UNC5C: variants seen among roughly 807,000 people sequenced by gnomAD.
The protein encoded by UNC5C is netrin receptor UNC5C.
A neutral mutation model predicts 99.8 loss-of-function variants in UNC5C; 47 were observed. The observed-to-expected ratio is 0.47, with a 90% CI of 0.37 to 0.60. UNC5C has a LOEUF of 0.60. UNC5C is among the 20% of genes least tolerant of loss of function. The probability of loss-of-function intolerance (pLI) is 0.00; values close to 1 mark genes in which losing one functional copy is unlikely to be tolerated. For missense variants in UNC5C, 1,062 were observed against 1,165.9 expected (o/e 0.91, Z 1.30); for synonymous variants, 487 against 452.2 (o/e 1.08, Z -0.98).
At chr4:95,254,797 A>G (rs768439326) in intron 4 of UNC5C, among the ~76,000 whole-genome samples, 2 of 152,206 alleles carry the variant, frequency 1.3e-5, no homozygotes, top group African/African-American at 2.4e-5. Context: ...ACTCTAAGAT[A>G]CTGAATTCAA....
intron 1 of UNC5C, among the ~76,000 whole-genome samples, chr4:95,337,915 T>C (rs534167646): frequency 4.6e-4 from 70 of 152,158 alleles, no homozygotes; most frequent in Admixed American, 1.1e-3. Context: ...AGCATAGTAG[T>C]TTATTAAGAT....
At chr4:95,536,541 C>A (rs926924608) in intron 1 of UNC5C, among the ~76,000 whole-genome samples, 19 of 152,236 alleles carry the variant, frequency 1.2e-4, no homozygotes, top group African/African-American at 4.6e-4. Context: ...CTGGCATCAT[C>A]TTGTTATTTT....
chr4:95,373,484 A>T (rs1267097896), intron 1 of UNC5C, among the ~76,000 whole-genome samples: 1 of 152,100 alleles, frequency 6.6e-6, no homozygotes, highest in Non-Finnish European at 1.5e-5. Context: ...CCTGACTGTG[A>T]TCCGTCTCCT....
intron 1 of UNC5C, among the ~76,000 whole-genome samples, chr4:95,433,256 G>T (rs1746682193): frequency 6.6e-6 from 1 of 152,092 alleles, no homozygotes; most frequent in Admixed American, 6.5e-5. Flanking sequence ...TTTCTTTAAA[G>T]TGATGAGATA....
At chr4:95,230,998 A>C (rs995142738) in intron 7 of UNC5C, among the ~76,000 whole-genome samples, 1 of 152,178 alleles carries the variant, frequency 6.6e-6, no homozygotes, top group African/African-American at 2.4e-5. Context: ...CTGACACAGT[A>C]GACTGGGGTC....
At chr4:95,178,481 T>TATC (rs1560715606) in intron 14 of UNC5C, among the ~76,000 whole-genome samples, 2 of 152,128 alleles carry the variant, frequency 1.3e-5, no homozygotes, top group Non-Finnish European at 2.9e-5. Flanking sequence ...GGTGAGAGTA[T>TATC]ATCAATCAAT....
intron 4 of UNC5C, 122 bp downstream of exon 4, chr4:95,278,134 TAGG>T: frequency 1.3e-6 from 1 of 763,330 alleles, no homozygotes; most frequent in Non-Finnish European, 2.2e-6. Context: ...AGCAGGCAGT[TAGG>T]ACTCTATTAC....
At chr4:95,264,709 T>C (rs925530746) in intron 4 of UNC5C, among the ~76,000 whole-genome samples, 4 of 152,282 alleles carry the variant, frequency 2.6e-5, no homozygotes, top group African/African-American at 9.6e-5. Context: ...CATTTAGCCA[T>C]GTCTGGATTC....
intron 1 of UNC5C, among the ~76,000 whole-genome samples, chr4:95,357,878 ATGTG>A (rs60645315): frequency 8.6e-5 from 13 of 151,568 alleles, no homozygotes; most frequent in African/African-American, 3.2e-4. Flanking sequence ...TAAAGAATGA[ATGTG>A]TGTGTGTGTG....
chr4:95,308,813 G>A (rs60276678), intron 2 of UNC5C, among the ~76,000 whole-genome samples: 2,163 of 137,678 alleles, frequency 0.016, 54 homozygotes, highest in African/African-American at 0.053. Flanking sequence ...GGAAAGATAT[G>A]TTCATGGATT....
Position 95,163,553 on chromosome 4 carries a change from T to C in UNC5C, c.*5681A>G, listed in dbSNP as rs1349926742. 2 of 152,246 alleles carry C rather than the reference T, an allele frequency of 1.3e-5. No individual in the cohort carries two copies. The highest frequency in any genetic ancestry group is 4.8e-5 in the African/African-American group (2 of 41,460). 9.4% of individuals were successfully genotyped at this position (152,246 alleles called of 1,614,324 possible). A position where few individuals can be genotyped will look rare whatever the true frequency, so the allele number is the denominator to read the frequency against. On this transcript the variant is annotated 3_prime_UTR_variant, in exon 16 of 16. Transcript: ENST00000453304. ...TCAGGTTCTACAGCTGGTCTGATAG[T>C]ACTTAGTCCAGTAGACCTTTGGAAC...
chr4:95,169,139 G>T lies in UNC5C; in HGVS notation c.*95C>A. The stretch of plus-strand genomic sequence containing the variant: ...GCAGTCTTGCCTGTGAAGTGCATTG[G>T]TCTCATCTGGATTTCCTCCTCAGCT... On this transcript the variant is annotated 3_prime_UTR_variant, in exon 16 of 16. Transcript: ENST00000453304. The T allele has an allele frequency of 6.7e-7, 1 of 1,502,182 alleles. No individual in the cohort carries two copies. Among genetic ancestry groups the T allele is most frequent in the Non-Finnish European group, 9.1e-7 (1 of 1,096,668 alleles). The allele number at this position is 1,502,182 out of a possible 1,614,324, so 93.1% of individuals were successfully genotyped here. A position where few individuals can be genotyped will look rare whatever the true frequency, so the allele number is the denominator to read the frequency against.
chr4:95,492,440 C>T (rs910534424), intron 1 of UNC5C, among the ~76,000 whole-genome samples: 10 of 151,270 alleles, frequency 6.6e-5, no homozygotes, highest in African/African-American at 2.4e-4. Flanking sequence ...TACTAAGCTG[C>T]TCTCTTGCAG....
intron 1 of UNC5C, among the ~76,000 whole-genome samples, chr4:95,483,194 C>G (rs1721220824): frequency 1.3e-5 from 2 of 151,592 alleles, no homozygotes; most frequent in Non-Finnish European, 2.9e-5. Flanking sequence ...GCATAAAAAT[C>G]CTCAGTCTCA....
intron 1 of UNC5C, among the ~76,000 whole-genome samples, chr4:95,392,040 G>C (rs905326153): frequency 6.6e-6 from 1 of 152,214 alleles, no homozygotes; most frequent in Non-Finnish European, 1.5e-5. Flanking sequence ...CTGGGTGACA[G>C]AGTGAGACTC....
intron 1 of UNC5C, among the ~76,000 whole-genome samples, chr4:95,395,531 G>T (rs1393124853): frequency 1.3e-5 from 2 of 152,094 alleles, no homozygotes; most frequent in Non-Finnish European, 2.9e-5. Context: ...CTGAGAGCAG[G>T]TCTTTTCTCT....
chr4:95,483,317 G>T (rs562423494), intron 1 of UNC5C, among the ~76,000 whole-genome samples: 66 of 151,844 alleles, frequency 4.3e-4, no homozygotes, highest in African/African-American at 1.6e-3. Flanking sequence ...GACTATTAAA[G>T]TCAGATCAGC....
At chr4:95,434,574 C>T (rs1024624249) in intron 1 of UNC5C, among the ~76,000 whole-genome samples, 1 of 152,046 alleles carries the variant, frequency 6.6e-6, no homozygotes, top group African/African-American at 2.4e-5. Context: ...CACCTTCTCT[C>T]TCATGTGTGA....
At chr4:95,481,923 C>T (rs1294199482) in intron 1 of UNC5C, among the ~76,000 whole-genome samples, 2 of 152,016 alleles carry the variant, frequency 1.3e-5, no homozygotes, top group Non-Finnish European at 2.9e-5. Context: ...AAAACCTAGG[C>T]ATTACCATTC....
Sources: allele counts gnomAD v4.1 joint callset (sites outside exome capture counted in the v4.1 genomes callset), GRCh38; gene constraint gnomAD v4.1.1; transcripts MANE v1.5; gene names NCBI Gene and HGNC (gene_info 2026-07-23, HGNC 2026-07-21).